SPRED2: variants seen among roughly 807,000 people sequenced by gnomAD.
The protein encoded by SPRED2 is sprouty-related, EVH1 domain-containing protein 2.
A neutral mutation model predicts 43.0 loss-of-function variants in SPRED2; 47 were observed. The ratio of observed to expected loss-of-function variants is 1.09; its 90% confidence interval spans 0.87 to 1.40. The LOEUF (loss-of-function observed/expected upper bound fraction) is 1.40. Among genes scored for constraint, SPRED2 ranks in the 40% most tolerant of loss-of-function variants. The pLI is 0.00. For missense variants in SPRED2, 561 were observed against 586.4 expected (o/e 0.96, Z 0.45); for synonymous variants, 225 against 225.7 (o/e 1.00, Z 0.03).
chr2:65,421,578 CTG>C (rs1177899599), intron 1 of SPRED2, among the ~76,000 whole-genome samples: 2 of 152,234 alleles, frequency 1.3e-5, no homozygotes, highest in African/African-American at 4.8e-5. Flanking sequence ...GAACACAATG[CTG>C]TGTTAGCCAC....
chr2:65,408,564 G>A (rs1200911219), intron 1 of SPRED2, among the ~76,000 whole-genome samples: 1 of 151,832 alleles, frequency 6.6e-6, no homozygotes, highest in East Asian at 1.9e-4. Flanking sequence ...ACAGGAATTA[G>A]TCAGTTACAT....
At chr2:65,344,489 T>C in intron 2 of SPRED2, 1 of 664,410 alleles carries the variant, frequency 1.5e-6, no homozygotes, top group Non-Finnish European at 2.8e-6. Flanking sequence ...CAGCCAAATA[T>C]ACTTCTAAGC....
In SPRED2 at chr2:65,313,076, G is replaced by A. The variant is rs980909094; in HGVS notation, c.*425C>T. On this transcript the variant is annotated 3_prime_UTR_variant, in exon 6 of 6. Coordinates refer to ENST00000356388, the MANE Select transcript of SPRED2 (RefSeq NM_181784.3). ...CAGGCAAGGTGAACCAAGAGAAAGA[G>A]AGTCTTCGACGCTCTTGGAAAAATC... The A allele has an allele frequency of 2.0e-6, 2 of 989,372 alleles. No homozygotes were observed. Among genetic ancestry groups the A allele is most frequent in the African/African-American group, 3.5e-5 (2 of 57,426 alleles). The allele number at this position is 989,372 out of a possible 1,614,324, so 61.3% of individuals were successfully genotyped here. A position where few individuals can be genotyped will look rare whatever the true frequency, so the allele number is the denominator to read the frequency against.
intron 1 of SPRED2, among the ~76,000 whole-genome samples, chr2:65,385,887 T>C (rs557229315): frequency 2.0e-5 from 3 of 152,246 alleles, no homozygotes; most frequent in South Asian, 2.1e-4. Context: ...ACATCCCAAA[T>C]AGCTTCCTAA....
chr2:65,362,227 C>T (rs1214856939), intron 1 of SPRED2, among the ~76,000 whole-genome samples: 1 of 152,118 alleles, frequency 6.6e-6, no homozygotes, highest in African/African-American at 2.4e-5. Flanking sequence ...TGCCAGCCTG[C>T]TTCTGCAGCA....
intron 2 of SPRED2, among the ~76,000 whole-genome samples, chr2:65,338,708 C>T (rs1330799291): frequency 6.6e-6 from 1 of 151,850 alleles, no homozygotes; most frequent in Non-Finnish European, 1.5e-5. Context: ...GCAGCCTCTG[C>T]CCGGCCGCCA....
rs151327457 is a variant in SPRED2, at chr2:65,314,116, G to A, written c.642C>T (p.Ile214=). 1.9e-6 allele frequency: 3 copies of A among 1,610,094 alleles called. No individual in the cohort carries two copies. Among genetic ancestry groups the A allele is most frequent in the Non-Finnish European group, 2.5e-6 (3 of 1,176,684 alleles). ...QVSFPDDDEE[I]VRINPREKIW... ...TCTTCTCCCGGGGGTTGATGCGCAC[G>A]ATCTCCTCGTCGTCGTCCGGGAAGC... Residue 214 remains isoleucine (I), a synonymous_variant, in exon 6 of 6, where the codon ATC becomes ATT. Transcript: ENST00000356388.
chr2:65,375,652 C>T (rs2103623694), intron 1 of SPRED2, among the ~76,000 whole-genome samples: 1 of 152,236 alleles, frequency 6.6e-6, no homozygotes, highest in Middle Eastern at 3.4e-3. Flanking sequence ...AATGCACAAA[C>T]CAGAATAAAA....
chr2:65,310,170 G>A (rs1006748583), downstream of SPRED2, among the ~76,000 whole-genome samples: 2 of 151,986 alleles, frequency 1.3e-5, no homozygotes, highest in Admixed American at 6.6e-5. Context: ...AGTGGCTTGC[G>A]AAAATCACCC....
chr2:65,401,937 G>GCACACACACACACACA (rs1553426622), intron 1 of SPRED2, among the ~76,000 whole-genome samples: 6 of 114,710 alleles, frequency 5.2e-5, no homozygotes, highest in African/African-American at 1.4e-4. Context: ...GCGCGCGCGC[G>GCACACACACACACACA]CACACACACA....
intron 4 of SPRED2, among the ~76,000 whole-genome samples, chr2:65,330,645 G>T (rs1673783973): frequency 6.6e-6 from 1 of 152,158 alleles, no homozygotes; most frequent in South Asian, 2.1e-4. Flanking sequence ...AAAGGCTACG[G>T]TTTACATTAG....
chr2:65,432,184 G>C lies in SPRED2; in HGVS notation c.-197C>G, dbSNP rs552984683. ...GTTTGGGGGAAGGGGTGCAAAGGCA[G>C]GCTGCGCGGGGAGTGAACGCCGCAG... On this transcript the variant is annotated 5_prime_UTR_variant, in exon 1 of 6. Transcript: ENST00000356388. 1.2e-5 allele frequency: 8 copies of C among 644,992 alleles called. No homozygotes were observed. In the East Asian group the frequency reaches 2.3e-4, roughly 18 times the overall value. The allele number at this position is 644,992 out of a possible 1,614,324, so 40.0% of individuals were successfully genotyped here.
At chr2:65,333,271 A>T (rs990825683) in intron 3 of SPRED2, among the ~76,000 whole-genome samples, 8 of 152,138 alleles carry the variant, frequency 5.3e-5, no homozygotes, top group Admixed American at 3.9e-4. Context: ...AAAAAAAAAA[A>T]AAAAGAAAAA....
chr2:65,380,474 A>G (rs1487901664), intron 1 of SPRED2, among the ~76,000 whole-genome samples: 2 of 152,190 alleles, frequency 1.3e-5, no homozygotes, highest in Non-Finnish European at 2.9e-5. Flanking sequence ...CTAGTCAATC[A>G]TGAATGAGTC....
intron 1 of SPRED2, among the ~76,000 whole-genome samples, chr2:65,395,881 G>T (rs147006437): frequency 9.9e-5 from 15 of 152,276 alleles, no homozygotes; most frequent in African/African-American, 3.4e-4. Context: ...TCAGGACTCA[G>T]GGTCCTTTTT....
At chr2:65,422,104 A>ACACACACACACT (rs1299857849) in intron 1 of SPRED2, among the ~76,000 whole-genome samples, 9,347 of 128,772 alleles carry the variant, frequency 0.073, 357 homozygotes, top group South Asian at 0.11. Context: ...ACACACACAC[A>ACACACACACACT]CTCTCTCTCT....
intron 2 of SPRED2, among the ~76,000 whole-genome samples, chr2:65,337,497 C>T (rs1674000372): frequency 6.6e-6 from 1 of 152,166 alleles, no homozygotes; most frequent in Non-Finnish European, 1.5e-5. Flanking sequence ...TCATCTCTCC[C>T]CTCCACCGTC....
rs372718512 is a variant in SPRED2 at position 65,403,658 on chromosome 2, T to C, written c.26+28304A>G. The stretch of plus-strand genomic sequence containing the variant: ...TGGAAATGTAGTCCAAGGAGTAGCA[T>C]CATGGGCAGCACCCAAAAGCTGAAG... On this transcript the variant is annotated intron_variant, in intron 1 of 5. Transcript: ENST00000356388. Among the ~76,000 whole-genome samples the C allele has an allele frequency of 2.0e-5, 3 of 152,126 alleles. No individual in the cohort carries two copies. In the South Asian group the frequency reaches 6.2e-4, roughly 32 times the overall value.
At chr2:65,431,615 T>TG (rs1676696808) in intron 1 of SPRED2, among the ~76,000 whole-genome samples, 1 of 150,848 alleles carries the variant, frequency 6.6e-6, no homozygotes. Flanking sequence ...GAAGCCGGAG[T>TG]GGGGGTGTCA....
Sources: gnomAD v4.1 joint callset for allele counts (sites outside exome capture counted in the v4.1 genomes callset) on GRCh38, gnomAD v4.1.1 for gene constraint, MANE v1.5 for transcripts, NCBI Gene and HGNC (gene_info 2026-07-23, HGNC 2026-07-21) for gene names.